The following RSAD2 variants were observed in gnomAD, a reference collection of about 807,000 sequenced individuals.
The protein encoded by RSAD2 is radical S-adenosyl methionine domain containing 2.
In RSAD2, 38 loss-of-function variants were observed where a neutral mutation model predicts 37.7. That is an observed-to-expected ratio of 1.01 (90% CI 0.78 to 1.32). The LOEUF is 1.32. RSAD2 is among the 40% of genes most tolerant of loss of function. The probability of loss-of-function intolerance (pLI) is 0.00; values close to 1 mark genes in which losing one functional copy is unlikely to be tolerated. For missense variants in RSAD2, 428 were observed against 437.5 expected, an observed-to-expected ratio of 0.98 and a Z score of 0.19; for synonymous variants, 163 against 157.4, an observed-to-expected ratio of 1.04 and a Z score of -0.27.
intron 1 of RSAD2, among the ~76,000 whole-genome samples, chr2:6,879,443 C>A (rs1019598036): frequency 1.3e-5 from 2 of 152,152 alleles, no homozygotes; most frequent in African/African-American, 4.8e-5. Context: ...GCTGTAGACA[C>A]AGCCTGTCAC....
intron 2 of RSAD2, among the ~76,000 whole-genome samples, chr2:6,885,742 C>T (rs1467402585): frequency 6.7e-6 from 1 of 149,404 alleles, no homozygotes; most frequent in Non-Finnish European, 1.5e-5. Flanking sequence ...CTAGGTCTGT[C>T]TTTAGTATAA....
intron 3 of RSAD2, among the ~76,000 whole-genome samples, chr2:6,889,300 AC>A (rs1663584617): frequency 2.0e-5 from 3 of 152,376 alleles, no homozygotes; most frequent in African/African-American, 7.2e-5. Context: ...TAAGGAAGAC[AC>A]CATGAAAGCA....
chr2:6,874,651 C>G (rs113713612), upstream of RSAD2, among the ~76,000 whole-genome samples: 1 of 150,454 alleles, frequency 6.6e-6, no homozygotes, highest in Non-Finnish European at 1.5e-5. Flanking sequence ...ATAAGGATAA[C>G]TTTATGACTT....
At chr2:6,890,377 C>T (rs1232837480) in intron 4 of RSAD2, 52 bp downstream of exon 4, 2 of 1,585,952 alleles carry the variant, frequency 1.3e-6, no homozygotes, top group Admixed American at 1.7e-5. Flanking sequence ...CAGATTGATT[C>T]CCAAAAGGGA....
At chr2:6,885,097 CACGTCTAGGGT>C (rs1485256158) in intron 2 of RSAD2, among the ~76,000 whole-genome samples, 3 of 152,058 alleles carry the variant, frequency 2.0e-5, no homozygotes, top group African/African-American at 7.2e-5. Context: ...CAGCTATGCT[CACGTCTAGGGT>C]TTATTAGAAT....
intron 3 of RSAD2, among the ~76,000 whole-genome samples, chr2:6,889,121 G>C (rs1292914417): frequency 1.3e-5 from 2 of 152,210 alleles, no homozygotes; most frequent in Middle Eastern, 3.4e-3. Context: ...TGGAGTCAAA[G>C]TCCCTGGAAA....
Position 6,883,140 on chromosome 2 carries a change from G to A in RSAD2, c.347-231G>A, listed in dbSNP as rs544750015. Among the ~76,000 whole-genome samples the A allele has an allele frequency of 2.0e-5, 3 of 152,280 alleles. No individual in the cohort carries two copies. The East Asian group carries it at 5.8e-4, about 29-fold the overall frequency. On this transcript the variant is annotated intron_variant, in intron 1 of 5. Coordinates refer to ENST00000382040, the MANE Select transcript of RSAD2 (RefSeq NM_080657.5). Reference sequence around the variant, plus strand: ...TGCCTCATTGTACCCTTTGGTGTCTGAGCAAGTCTATTCATCTGTGTAACC... The same window carrying A: ...TGCCTCATTGTACCCTTTGGTGTCTAAGCAAGTCTATTCATCTGTGTAACC...
At position 6,898,215 on chromosome 2, in the gene RSAD2, A is replaced by G. The variant is rs532192471; in HGVS notation, c.*2273A>G. 6.6e-6 allele frequency: 1 copy of G among 152,342 alleles called. No individual in the cohort carries two copies. The highest frequency in any genetic ancestry group is 1.5e-5 in the Non-Finnish European group (1 of 68,038). The allele number at this position is 152,342 out of a possible 1,614,324, so 9.4% of individuals were successfully genotyped here. On this transcript the variant is annotated 3_prime_UTR_variant, in exon 6 of 6. Transcript: ENST00000382040. ...AGAGGAATGTAATGTAAAGTGAAAT[A>G]AAACTATAAGCTATGTTAAATACAT...
At chr2:6,882,525 T>G (rs1484822029) in intron 1 of RSAD2, among the ~76,000 whole-genome samples, 1 of 152,132 alleles carries the variant, frequency 6.6e-6, no homozygotes, top group East Asian at 1.9e-4. Flanking sequence ...ATTTAGAAAC[T>G]CCAATGTTCC....
Position 6,883,574 on chromosome 2 carries a change from T to C in RSAD2, c.508+42T>C, listed in dbSNP as rs375873773. ...GGCATTCTTCTTATTGCTATTGCTATTTTTATTGTTGGTTCTTATATTTCC... is the reference window on the plus strand; with the variant it reads ...GGCATTCTTCTTATTGCTATTGCTACTTTTATTGTTGGTTCTTATATTTCC... On this transcript the variant is annotated intron_variant, in intron 2 of 5. Coordinates refer to ENST00000382040, the MANE Select transcript of RSAD2 (RefSeq NM_080657.5). The C allele has an allele frequency of 1.6e-4, 249 of 1,603,370 alleles. 1 individual carries two copies. The highest frequency in any genetic ancestry group is 1.9e-4 in the Non-Finnish European group (228 of 1,171,286).
chr2:6,894,763 C>A (rs1018520358), intron 5 of RSAD2, among the ~76,000 whole-genome samples: 3 of 152,202 alleles, frequency 2.0e-5, no homozygotes, highest in Non-Finnish European at 4.4e-5. Flanking sequence ...TTGTTATTTT[C>A]AAGTTAACCA....
chr2:6,870,054 T>C (rs1395052516), intron 1 of RSAD2, among the ~76,000 whole-genome samples: 1 of 152,212 alleles, frequency 6.6e-6, no homozygotes, highest in Non-Finnish European at 1.5e-5. Flanking sequence ...CAATCCTTCA[T>C]TTGCATAAAT....
At chr2:6,874,556 C>A (rs1663252186), upstream of RSAD2, among the ~76,000 whole-genome samples, 1 of 152,074 alleles carries the variant, frequency 6.6e-6, no homozygotes, top group African/African-American at 2.4e-5. Context: ...GTTTTAAATT[C>A]TTCTCTAGAA....
At position 6,893,665 on chromosome 2, in the gene RSAD2, T is replaced by C. The variant is rs375861108; in HGVS notation, c.889-6T>C. 12 of 1,606,394 alleles carry C rather than the reference T, an allele frequency of 7.5e-6. No individual in the cohort carries two copies. In the African/African-American group the frequency reaches 1.3e-4, roughly 18 times the overall value. On this transcript the variant is annotated splice_polypyrimidine_tract_variant and splice_region_variant and intron_variant, in intron 4 of 5. Transcript: ENST00000382040. ...AACTAAATTTGTATTAACTTCTCCT[T>C]TGCAGATGAAAGACTCCTACCTTAT... is the stretch of plus-strand genomic sequence containing the variant.
At chr2:6,878,282 A>G in intron 1 of RSAD2, 136 bp downstream of exon 1, 1 of 698,870 alleles carries the variant, frequency 1.4e-6, no homozygotes, top group East Asian at 2.7e-5. Flanking sequence ...TTGCATGGTG[A>G]GCATGTTGTC....
At chr2:6,871,968 T>C (rs1019955966) in intron 1 of RSAD2, among the ~76,000 whole-genome samples, 2 of 152,204 alleles carry the variant, frequency 1.3e-5, no homozygotes, top group Admixed American at 1.3e-4. Context: ...ATAAAGTTGG[T>C]TGATAGAAAA....
chr2:6,896,161 A>G lies in RSAD2; in HGVS notation c.*219A>G, dbSNP rs1437885408. ...CATTAACTTTACTTCATTGGCTTAT[A>G]ACCTTGTTGTTATTGAAACAGCACT... On this transcript the variant is annotated 3_prime_UTR_variant, in exon 6 of 6. Transcript: ENST00000382040. The G allele has an allele frequency of 6.5e-6, 3 of 459,556 alleles. No homozygotes were observed. The highest frequency in any genetic ancestry group is 5.8e-5 in the African/African-American group (3 of 51,558). The allele number at this position is 459,556 out of a possible 1,614,324, so 28.5% of individuals were successfully genotyped here.
chr2:6,866,398 GCA>G (rs1448167244), intron 1 of RSAD2: 1 of 976,792 alleles, frequency 1.0e-6, no homozygotes, highest in Non-Finnish European at 1.2e-6. Context: ...ACTCACCTGT[GCA>G]CACACTCACC....
upstream of RSAD2, among the ~76,000 whole-genome samples, chr2:6,874,288 T>C (rs558947560): frequency 1.3e-5 from 2 of 152,308 alleles, no homozygotes; most frequent in South Asian, 4.1e-4. Context: ...AATGAGCCAA[T>C]TCAACCTATT....
Sources: allele counts gnomAD v4.1 joint callset (sites outside exome capture counted in the v4.1 genomes callset), GRCh38; gene constraint gnomAD v4.1.1; transcripts MANE v1.5; gene names NCBI Gene and HGNC (gene_info 2026-07-23, HGNC 2026-07-21).